ZNF793: variants seen among roughly 807,000 people sequenced by gnomAD.
ZNF793 encodes zinc finger protein 793.
Under a neutral mutation model 12.4 loss-of-function variants are expected in ZNF793, and 5 were observed. That is an observed-to-expected ratio of 0.40 (90% CI 0.21 to 0.84). The LOEUF (loss-of-function observed/expected upper bound fraction) is 0.84, where lower values mean the gene tolerates loss of function less well. ZNF793 is among the 40% of genes least tolerant of loss of function. The pLI, the probability that ZNF793 is intolerant of heterozygous loss-of-function variation, is 0.35. For missense variants in ZNF793, 456 were observed against 495.0 expected, an observed-to-expected ratio of 0.92 and a Z score of 0.75; for synonymous variants, 162 against 172.4, an observed-to-expected ratio of 0.94 and a Z score of 0.47.
intron 5 of ZNF793, among the ~76,000 whole-genome samples, chr19:37,524,659 G>C (rs1322330214): frequency 6.6e-6 from 1 of 152,226 alleles, no homozygotes; most frequent in African/African-American, 2.4e-5. Context: ...TCTTAGGACT[G>C]AAGTAGAAAA....
rs2147125374 is a variant in ZNF793 at position 37,543,101 on chromosome 19, T to C, written c.*5222T>C. On this transcript the variant is annotated 3_prime_UTR_variant, in exon 8 of 8. Transcript: ENST00000627814. The stretch of plus-strand genomic sequence containing the variant: ...AAAGGGAAAATTTCATAATAATGTA[T>C]ACGATTCTATTTTTAAAAAAAGTAA... 1 of 152,270 alleles carries C rather than the reference T, an allele frequency of 6.6e-6. No individual in the cohort carries two copies. The highest frequency in any genetic ancestry group is 2.1e-4 in the South Asian group (1 of 4,828). The allele number at this position is 152,270 out of a possible 1,614,324, so 9.4% of individuals were successfully genotyped here.
In ZNF793 at chr19:37,540,969, A is replaced by T. The variant is rs2042548362; in HGVS notation, c.*3090A>T. Reference sequence around the variant, plus strand: ...ATATATACAACAATTATATATCTATAATAATTAAAAATTTTTAAAATGCCA... The same window carrying T: ...ATATATACAACAATTATATATCTATTATAATTAAAAATTTTTAAAATGCCA... On this transcript the variant is annotated 3_prime_UTR_variant, in exon 8 of 8. Coordinates refer to ENST00000627814, the MANE Select transcript of ZNF793 (RefSeq NM_001013659.3). The T allele has an allele frequency of 6.6e-6, 1 of 152,032 alleles. No individual in the cohort carries two copies. Among genetic ancestry groups the T allele is most frequent in the Non-Finnish European group, 1.5e-5 (1 of 67,998 alleles). The allele number at this position is 152,032 out of a possible 1,614,324, so 9.4% of individuals were successfully genotyped here.
chr19:37,530,819 A>G (rs1052674295), intron 5 of ZNF793, among the ~76,000 whole-genome samples: 1 of 152,120 alleles, frequency 6.6e-6, no homozygotes, highest in African/African-American at 2.4e-5. Context: ...CATTATTGGT[A>G]TGGTTGGATT....
At chr19:37,534,153 T>C (rs2042484519) in intron 7 of ZNF793, 1 of 152,250 alleles carries the variant, frequency 6.6e-6, no homozygotes, top group Admixed American at 6.5e-5. Flanking sequence ...AGAATGTATC[T>C]AGTCAGCCTC....
At chr19:37,529,518 A>T (rs2042441111) in intron 5 of ZNF793, among the ~76,000 whole-genome samples, 1 of 151,404 alleles carries the variant, frequency 6.6e-6, no homozygotes, top group Admixed American at 6.6e-5. Context: ...TCTGAGACAG[A>T]GTCTCATTCT....
chr19:37,529,270 C>T (rs1449364290), intron 5 of ZNF793, among the ~76,000 whole-genome samples: 2 of 151,796 alleles, frequency 1.3e-5, no homozygotes, highest in Admixed American at 1.3e-4. Flanking sequence ...GGGGTCTGCT[C>T]TTCTTTACAG....
chr19:37,513,765 A>G (rs980479035), intron 2 of ZNF793, among the ~76,000 whole-genome samples: 2 of 152,206 alleles, frequency 1.3e-5, no homozygotes, highest in East Asian at 1.9e-4. Flanking sequence ...TTATTCTGTG[A>G]CAGTGAATCA....
At chr19:37,529,965 C>T (rs2042444938) in intron 5 of ZNF793, among the ~76,000 whole-genome samples, 1 of 151,304 alleles carries the variant, frequency 6.6e-6, no homozygotes, top group South Asian at 2.1e-4. Context: ...CTCTGAGTTC[C>T]CTTAGTATTT....
intron 4 of ZNF793, among the ~76,000 whole-genome samples, chr19:37,523,007 T>G (rs1243395544): frequency 6.6e-6 from 1 of 152,096 alleles, no homozygotes; most frequent in African/African-American, 2.4e-5. Flanking sequence ...TAAAGGGTAT[T>G]TATTTGTTTG....
chr19:37,539,666 TACCTC>T lies in ZNF793; in HGVS notation c.*1789_*1793del, dbSNP rs1283172007. ...TATGATTTTTTAAGTGATAAAAAGA[TACCTC>T]ATACAACTCTAATCAACATATTTTT... On this transcript the variant is annotated 3_prime_UTR_variant, in exon 8 of 8. Coordinates refer to ENST00000627814, the MANE Select transcript of ZNF793 (RefSeq NM_001013659.3). 6.6e-6 allele frequency: 1 copy of T among 152,230 alleles called. No homozygotes were observed. Among genetic ancestry groups the T allele is most frequent in the Admixed American group, 6.5e-5 (1 of 15,278 alleles). The allele number at this position is 152,230 out of a possible 1,614,324, so 9.4% of individuals were successfully genotyped here.
rs995499115 is a variant in ZNF793, at chr19:37,538,761, G to T, written c.*882G>T. The T allele has an allele frequency of 6.6e-6, 1 of 152,206 alleles. No homozygotes were observed. Among genetic ancestry groups the T allele is most frequent in the Non-Finnish European group, 1.5e-5 (1 of 68,032 alleles). The allele number at this position is 152,206 out of a possible 1,614,324, so 9.4% of individuals were successfully genotyped here. ...GCAGAATACAAAATATCTGTGAAGA[G>T]ACTTAAAGGCATACTCTGGTATATT... On this transcript the variant is annotated 3_prime_UTR_variant, in exon 8 of 8. Transcript: ENST00000627814.
chr19:37,515,396 T>C (rs2042323655), intron 2 of ZNF793, among the ~76,000 whole-genome samples: 1 of 151,794 alleles, frequency 6.6e-6, no homozygotes, highest in African/African-American at 2.4e-5. Flanking sequence ...CAAGCTCCGC[T>C]TCCCGGGTCC....
In ZNF793 at chr19:37,532,496, C is replaced by A; in HGVS notation, c.142+14C>A. 6.3e-7 allele frequency: 1 copy of A among 1,587,624 alleles called. No homozygotes were observed. On this transcript the variant is annotated intron_variant, in intron 6 of 7. Transcript: ENST00000627814. Reference sequence around the variant, plus strand: ...TCGTCTCAGTGGGTAAGAACATCCTCACCATACAATGCAGATTATGTTCGA... The same window carrying A: ...TCGTCTCAGTGGGTAAGAACATCCTAACCATACAATGCAGATTATGTTCGA...
intron 1 of ZNF793, chr19:37,507,197 CAG>C (rs1341911947): frequency 1.3e-5 from 2 of 152,724 alleles, no homozygotes; most frequent in African/African-American, 2.4e-5. Context: ...TGGTGGCGGA[CAG>C]AGGTTTGCGG....
At chr19:37,512,096 C>A (rs1432609410) in intron 2 of ZNF793, among the ~76,000 whole-genome samples, 1 of 152,194 alleles carries the variant, frequency 6.6e-6, no homozygotes, top group African/African-American at 2.4e-5. Context: ...CCCTCACATA[C>A]AACCTGACAA....
chr19:37,514,690 T>C (rs1416532071), intron 2 of ZNF793, among the ~76,000 whole-genome samples: 1 of 152,114 alleles, frequency 6.6e-6, no homozygotes, highest in African/African-American at 2.4e-5. Context: ...CATTGTTGCA[T>C]TGATTCCAAA....
chr19:37,531,872 T>G (rs186247432), intron 5 of ZNF793, among the ~76,000 whole-genome samples: 107 of 152,280 alleles, frequency 7.0e-4, no homozygotes, highest in Non-Finnish European at 1.1e-3. Flanking sequence ...AAAGTATGGA[T>G]GGCAATGGTA....
At chr19:37,519,183 G>A (rs938881750) in intron 2 of ZNF793, among the ~76,000 whole-genome samples, 2 of 151,978 alleles carry the variant, frequency 1.3e-5, no homozygotes, top group Non-Finnish European at 1.5e-5. Flanking sequence ...GGAGAATGGC[G>A]TGAACCCAGG....
intron 2 of ZNF793, among the ~76,000 whole-genome samples, chr19:37,509,869 C>T (rs2042279586): frequency 1.3e-5 from 2 of 152,132 alleles, no homozygotes; most frequent in African/African-American, 4.8e-5. Context: ...GATGCCCCTC[C>T]CAGTCACTAC....
Sources: gnomAD v4.1 joint callset for allele counts (sites outside exome capture counted in the v4.1 genomes callset) on GRCh38, gnomAD v4.1.1 for gene constraint, MANE v1.5 for transcripts, NCBI Gene and HGNC (gene_info 2026-07-23, HGNC 2026-07-21) for gene names.